CNRIP1: variants seen among roughly 807,000 people sequenced by gnomAD.
CNRIP1 encodes CB1 cannabinoid receptor-interacting protein 1.
A neutral mutation model predicts 15.2 loss-of-function variants in CNRIP1; 10 were observed. That is an observed-to-expected ratio of 0.66 (90% CI 0.41 to 1.12). The LOEUF is 1.12. CNRIP1 is among the 50% of genes most tolerant of loss of function. The pLI, the probability that CNRIP1 is intolerant of heterozygous loss-of-function variation, is 0.00. For synonymous variants in CNRIP1, 91 were observed against 83.2 expected, an observed-to-expected ratio of 1.09 and a Z score of -0.51; for missense variants, 211 against 214.7, an observed-to-expected ratio of 0.98 and a Z score of 0.11.
chr2:68,293,948 C>G lies in CNRIP1; in HGVS notation c.409G>C (p.Gly137Arg). Residue 137 changes from glycine to arginine, a missense_variant, in exon 3 of 3, where the codon GGA becomes CGA. By Grantham distance (125) the Gly-to-Arg change is moderately radical. Transcript: ENST00000263655. ...NYHKRDHCQW[G>R]SPFSVIEYEC... ...TACTCAATGACAGAGAAGGGGCTTC[C>G]CCACTGGCAGTGATCCCGCTTGTGG... 1 of 1,614,086 alleles carries G rather than the reference C, an allele frequency of 6.2e-7. No individual in the cohort carries two copies. Among genetic ancestry groups the G allele is most frequent in the Non-Finnish European group, 8.5e-7 (1 of 1,180,002 alleles).
intron 2 of CNRIP1, among the ~76,000 whole-genome samples, chr2:68,307,982 C>T (rs549685844): frequency 8.4e-4 from 128 of 152,140 alleles, no homozygotes; most frequent in African/African-American, 2.8e-3. Flanking sequence ...TGCTTGAGCG[C>T]AGGAGTTTGA....
chr2:68,306,650 G>A (rs1396895317), intron 2 of CNRIP1, among the ~76,000 whole-genome samples: 32 of 151,986 alleles, frequency 2.1e-4, no homozygotes, highest in Non-Finnish European at 4.4e-5. Context: ...GCGTGGTGGC[G>A]GGTGCCTGTA....
At chr2:68,303,779 A>G (rs1193582475) in intron 2 of CNRIP1, among the ~76,000 whole-genome samples, 1 of 152,186 alleles carries the variant, frequency 6.6e-6, no homozygotes, top group African/African-American at 2.4e-5. Flanking sequence ...CCAGGCATCC[A>G]TTAAAAGGTT....
At chr2:68,292,337 G>A (rs1671195166), downstream of CNRIP1, among the ~76,000 whole-genome samples, 1 of 152,196 alleles carries the variant, frequency 6.6e-6, no homozygotes, top group African/African-American at 2.4e-5. Flanking sequence ...CCTGGTGGCT[G>A]TACAGCATCA....
chr2:68,305,804 A>AC (rs895602455), intron 2 of CNRIP1, among the ~76,000 whole-genome samples: 1 of 149,030 alleles, frequency 6.7e-6, no homozygotes, highest in Non-Finnish European at 1.5e-5. Flanking sequence ...AAAAAAAAAA[A>AC]AAAAACACAC....
At chr2:68,318,914 G>C (rs1672381783) in intron 1 of CNRIP1, among the ~76,000 whole-genome samples, 2 of 152,266 alleles carry the variant, frequency 1.3e-5, no homozygotes, top group African/African-American at 2.4e-5. Context: ...CGCGCCCAAG[G>C]CTGGACAGAA....
At chr2:68,316,896 A>G (rs1672291166) in intron 2 of CNRIP1, 1 of 606,320 alleles carries the variant, frequency 1.6e-6, no homozygotes, top group Admixed American at 3.0e-5. Context: ...GGAAAATGGC[A>G]ATGTAGGTTC....
intron 2 of CNRIP1, among the ~76,000 whole-genome samples, chr2:68,300,688 G>T (rs1201511238): frequency 3.3e-5 from 5 of 151,958 alleles, no homozygotes; most frequent in Admixed American, 3.3e-4. Context: ...AGACTATAGA[G>T]AAAACAATGA....
At chr2:68,301,116 G>A (rs1322647172) in intron 2 of CNRIP1, among the ~76,000 whole-genome samples, 2 of 152,142 alleles carry the variant, frequency 1.3e-5, no homozygotes, top group African/African-American at 2.4e-5. Flanking sequence ...GATTCCTCAT[G>A]GGCATATACG....
Position 68,303,090 on chromosome 2 carries a change from A to G in CNRIP1, c.331-9064T>C, listed in dbSNP as rs181960428. ...TCTCGATCTCCTGACTTCGTGATCC[A>G]CCCGCCTTGGCCCCCAAAGTGCTGG... On this transcript the variant is annotated intron_variant, in intron 2 of 2. Coordinates refer to ENST00000263655, the MANE Select transcript of CNRIP1 (RefSeq NM_015463.3). 8.0e-3 allele frequency among the ~76,000 whole-genome samples: 1,146 copies of G among 143,088 alleles called. 13 individuals carry two copies. Among genetic ancestry groups the G allele is most frequent in the African/African-American group, 0.017 (698 of 39,978 alleles). 93.9% of individuals were successfully genotyped at this position (143,088 alleles called of 152,430 possible).
chr2:68,294,158 G>T, intron 2 of CNRIP1, 132 bp from the exon 3 acceptor site: 2 of 902,590 alleles, frequency 2.2e-6, no homozygotes, highest in Non-Finnish European at 3.3e-6. Context: ...TGCAAGGCTC[G>T]GAAGGCTTTC....
rs1672430210 is a variant in CNRIP1, at chr2:68,319,702, C to G, written c.-302G>C. On this transcript the variant is annotated 5_prime_UTR_variant, in exon 1 of 3. Transcript: ENST00000263655. ...TGCGCCCTCCACGCACCCGAAGGCT[C>G]GCTCTGGCCCGCAGGCCGCCGCGCA... 2.9e-6 allele frequency: 1 copy of G among 345,454 alleles called. No individual in the cohort carries two copies. Among genetic ancestry groups the G allele is most frequent in the African/African-American group, 2.2e-5 (1 of 45,772 alleles). The allele number at this position is 345,454 out of a possible 1,614,324, so 21.4% of individuals were successfully genotyped here.
chr2:68,310,725 A>T (rs1672040641), intron 2 of CNRIP1, among the ~76,000 whole-genome samples: 1 of 151,772 alleles, frequency 6.6e-6, no homozygotes. Context: ...AAAAAAAAAA[A>T]GTCAGGCTGT....
At chr2:68,305,965 C>T (rs1275330246) in intron 2 of CNRIP1, among the ~76,000 whole-genome samples, 4 of 150,862 alleles carry the variant, frequency 2.7e-5, no homozygotes, top group African/African-American at 9.7e-5. Context: ...CTTGTCTCTA[C>T]TAAATATAAA....
downstream of CNRIP1, among the ~76,000 whole-genome samples, chr2:68,291,231 A>C (rs549443317): frequency 6.6e-6 from 1 of 151,868 alleles, no homozygotes; most frequent in East Asian, 1.9e-4. Context: ...ATTCAACCTT[A>C]CTTCTGGCCC....
At chr2:68,318,632 G>A (rs548372911) in intron 1 of CNRIP1, among the ~76,000 whole-genome samples, 15 of 152,340 alleles carry the variant, frequency 9.8e-5, no homozygotes, top group African/African-American at 3.6e-4. Flanking sequence ...CGTGAAACTA[G>A]GCCAGAGAAG....
chr2:68,310,048 C>T (rs1672016834), intron 2 of CNRIP1, among the ~76,000 whole-genome samples: 1 of 152,124 alleles, frequency 6.6e-6, no homozygotes, highest in Non-Finnish European at 1.5e-5. Context: ...TTTGGATTGG[C>T]CAGGCACGGT....
intron 1 of CNRIP1, among the ~76,000 whole-genome samples, chr2:68,317,931 G>A (rs1352928731): frequency 6.6e-6 from 1 of 151,538 alleles, no homozygotes; most frequent in Admixed American, 6.6e-5. Context: ...ATCCTTGATA[G>A]CATTAAAATG....
chr2:68,304,793 G>A (rs2103655457), intron 2 of CNRIP1, among the ~76,000 whole-genome samples: 1 of 152,148 alleles, frequency 6.6e-6, no homozygotes, highest in South Asian at 2.1e-4. Context: ...CTAATAGGCT[G>A]ATAATAAAGA....
Sources: gnomAD v4.1 joint callset for allele counts (sites outside exome capture counted in the v4.1 genomes callset) on GRCh38, gnomAD v4.1.1 for gene constraint, MANE v1.5 for transcripts, NCBI Gene and HGNC (gene_info 2026-07-23, HGNC 2026-07-21) for gene names.